Variants in KCNMA1 observed in about 807,000 individuals in gnomAD.
The protein encoded by KCNMA1 is Calcium-activated potassium channel subunit alpha-1.
Under a neutral mutation model 140.0 loss-of-function variants are expected in KCNMA1, and 29 were observed. The ratio of observed to expected loss-of-function variants is 0.21; its 90% CI spans 0.15 to 0.28. The LOEUF is 0.28. Among genes scored for constraint, KCNMA1 ranks in the 10% least tolerant of loss-of-function variants. The probability of loss-of-function intolerance (pLI) is 1.00; values close to 1 mark genes in which losing one functional copy is unlikely to be tolerated. For synonymous variants in KCNMA1, 612 were observed against 611.9 expected (o/e 1.00, Z 0.00); for missense variants, 880 against 1,602.2 (o/e 0.55, Z 7.70).
At chr10:76,976,508 G>A (rs770942126) in intron 19 of KCNMA1, among the ~76,000 whole-genome samples, 6 of 152,052 alleles carry the variant, frequency 3.9e-5, no homozygotes, top group South Asian at 2.1e-4. Context: ...AAAATACTGC[G>A]GGCCTAATGG....
At chr10:77,503,461 G>T (rs1305018620) in intron 1 of KCNMA1, among the ~76,000 whole-genome samples, 1 of 152,096 alleles carries the variant, frequency 6.6e-6, no homozygotes, top group African/African-American at 2.4e-5. Flanking sequence ...CGTCCACCCA[G>T]CTAGGGCATT....
downstream of KCNMA1, chr10:76,875,428 G>A (rs2032200911): frequency 1.3e-5 from 2 of 151,966 alleles, no homozygotes; most frequent in South Asian, 2.1e-4. Flanking sequence ...TTTAAAAAAA[G>A]TTTAGATTAA....
chr10:77,532,311 G>A (rs1333367170), intron 1 of KCNMA1, among the ~76,000 whole-genome samples: 2 of 152,152 alleles, frequency 1.3e-5, no homozygotes, highest in African/African-American at 4.8e-5. Flanking sequence ...ATGACTTTGA[G>A]TTCCCAATGA....
At chr10:77,413,910 G>C (rs1341528695) in intron 1 of KCNMA1, among the ~76,000 whole-genome samples, 1 of 152,198 alleles carries the variant, frequency 6.6e-6, no homozygotes, top group African/African-American at 2.4e-5. Flanking sequence ...CGAGCTGTCA[G>C]AAAGCCCTGT....
chr10:77,268,854 C>T (rs1341147296), intron 2 of KCNMA1, among the ~76,000 whole-genome samples: 2 of 152,100 alleles, frequency 1.3e-5, no homozygotes, highest in East Asian at 1.9e-4. Context: ...TACCTTAGTG[C>T]GCACAGTGAT....
intron 1 of KCNMA1, among the ~76,000 whole-genome samples, chr10:77,560,051 C>T (rs532662212): frequency 1.9e-4 from 29 of 151,236 alleles, no homozygotes; most frequent in South Asian, 8.4e-4. Flanking sequence ...GGCGTGGTGG[C>T]GGGTGCCTGT....
chr10:77,472,050 T>G (rs189986988), intron 1 of KCNMA1, among the ~76,000 whole-genome samples: 3 of 145,116 alleles, frequency 2.1e-5, no homozygotes, highest in East Asian at 4.3e-4. Context: ...TTCACATACA[T>G]GTACCACATA....
At chr10:77,490,958 T>TAATC (rs2098524836) in intron 1 of KCNMA1, among the ~76,000 whole-genome samples, 1 of 152,158 alleles carries the variant, frequency 6.6e-6, no homozygotes, top group African/African-American at 2.4e-5. Context: ...GTAGGAGCCC[T>TAATC]AATCAGCCCT....
chr10:77,444,056 A>T (rs559343503), intron 1 of KCNMA1, among the ~76,000 whole-genome samples: 1 of 152,316 alleles, frequency 6.6e-6, no homozygotes, highest in African/African-American at 2.4e-5. Context: ...ATAAAATTAA[A>T]ATTATAAAAG....
At chr10:77,285,527 T>A (rs989773254) in intron 2 of KCNMA1, among the ~76,000 whole-genome samples, 1 of 152,206 alleles carries the variant, frequency 6.6e-6, no homozygotes, top group Non-Finnish European at 1.5e-5. Context: ...AGATGTTACA[T>A]AGGGATGGCA....
In KCNMA1 at chr10:77,027,823, C is replaced by CG; in HGVS notation, c.1927dup (p.Arg643ProfsTer5). ...GGCTGCTGGGTCACCGCAAACTTAC[C>CG]GGCTCTCTCGGTTGGCAGACTTGTA... On this transcript the variant is annotated frameshift_variant and splice_region_variant, in exon 16 of 28. Transcript: ENST00000286628. LOFTEE classifies it high-confidence loss of function. 2 of 1,613,704 alleles carry CG rather than the reference C, an allele frequency of 1.2e-6. No homozygotes were observed. Among genetic ancestry groups the CG allele is most frequent in the Non-Finnish European group, 1.7e-6 (2 of 1,179,700 alleles).
At chr10:76,959,573 A>G (rs1384987990) in intron 20 of KCNMA1, among the ~76,000 whole-genome samples, 1 of 152,208 alleles carries the variant, frequency 6.6e-6, no homozygotes, top group Non-Finnish European at 1.5e-5. Flanking sequence ...AGAAGTGTTA[A>G]CTAGTCTTAT....
chr10:77,591,237 G>A (rs1172970512), intron 1 of KCNMA1, among the ~76,000 whole-genome samples: 1 of 152,100 alleles, frequency 6.6e-6, no homozygotes, highest in African/African-American at 2.4e-5. Context: ...AAGGCCACGA[G>A]TGAGGCCAGG....
intron 5 of KCNMA1, among the ~76,000 whole-genome samples, chr10:77,132,455 G>C (rs1440543430): frequency 6.6e-6 from 1 of 151,892 alleles, no homozygotes; most frequent in Non-Finnish European, 1.5e-5. Context: ...ACATTAAAGT[G>C]TCCTAGACCG....
chr10:77,112,504 CT>C, intron 6 of KCNMA1, 62 bp from the exon 7 acceptor site: 1 of 1,290,840 alleles, frequency 7.7e-7, no homozygotes, highest in Non-Finnish European at 1.1e-6. Flanking sequence ...CTGGGGCTGC[CT>C]TACAGGGTAA....
At chr10:77,062,696 T>C (rs1010113697) in intron 14 of KCNMA1, among the ~76,000 whole-genome samples, 3 of 152,232 alleles carry the variant, frequency 2.0e-5, no homozygotes, top group African/African-American at 4.8e-5. Flanking sequence ...TCTCCTACCT[T>C]GGAAAAGAGC....
chr10:77,246,600 A>G (rs1321215695), intron 3 of KCNMA1, among the ~76,000 whole-genome samples: 1 of 152,236 alleles, frequency 6.6e-6, no homozygotes, highest in African/African-American at 2.4e-5. Flanking sequence ...TTCAGAGACT[A>G]TGAAAACAAT....
intron 5 of KCNMA1, among the ~76,000 whole-genome samples, chr10:77,181,257 TGCACAGGGTAATTAA>T: frequency 6.6e-6 from 1 of 152,254 alleles, no homozygotes; most frequent in African/African-American, 2.4e-5. Context: ...GTTGTTCGAG[TGCACAGGGTAATTAA>T]GCACAGCTCA....
At chr10:77,594,475 C>T (rs564507008) in intron 1 of KCNMA1, among the ~76,000 whole-genome samples, 1 of 152,294 alleles carries the variant, frequency 6.6e-6, no homozygotes, top group African/African-American at 2.4e-5. Context: ...CAAACCCCGT[C>T]TCCCTACCAT....
Sources: allele counts gnomAD v4.1 joint callset (sites outside exome capture counted in the v4.1 genomes callset), GRCh38; gene constraint gnomAD v4.1.1; transcripts MANE v1.5; gene names NCBI Gene and HGNC (gene_info 2026-07-23, HGNC 2026-07-21).